Variants in PP2D1 observed in about 807,000 individuals in gnomAD.
PP2D1 encodes the protein protein phosphatase 2C like domain containing 1, also known as protein phosphatase 2C-like domain-containing protein 1.
In PP2D1, 25 loss-of-function variants were observed where a neutral mutation model predicts 30.2. The observed-to-expected ratio is 0.83, with a 90% CI of 0.60 to 1.16. PP2D1 has a LOEUF of 1.16. Ranked by LOEUF, PP2D1 falls within the 50% of genes most tolerant of loss-of-function variation. The pLI, the probability that PP2D1 is intolerant of heterozygous loss-of-function variation, is 0.00. For synonymous variants in PP2D1, 260 were observed against 258.9 expected (o/e 1.00, Z -0.04); for missense variants, 760 against 742.4 (o/e 1.02, Z -0.28).
chr3:20,009,837 G>A (rs1697364355), intron 1 of PP2D1, among the ~76,000 whole-genome samples: 2 of 152,124 alleles, frequency 1.3e-5, no homozygotes, highest in Admixed American at 6.5e-5. Flanking sequence ...GCGTACAACT[G>A]TATTGGATAC....
chr3:19,996,070 T>C (rs1375593696), intron 2 of PP2D1, among the ~76,000 whole-genome samples: 1 of 151,564 alleles, frequency 6.6e-6, no homozygotes. Flanking sequence ...TCAAAATTAA[T>C]AGAAGCAAAA....
At chr3:19,984,171 G>T, downstream of PP2D1, 1 of 309,812 alleles carries the variant, frequency 3.2e-6, no homozygotes, top group Non-Finnish European at 6.0e-6. Flanking sequence ...GTAGTCACCT[G>T]TGAAAAAAAA....
In PP2D1 at chr3:20,001,438, G is replaced by A; in HGVS notation, c.682C>T (p.Leu228Phe). 6.5e-7 allele frequency: 1 copy of A among 1,536,592 alleles called. No individual in the cohort carries two copies. Among genetic ancestry groups the A allele is most frequent in the Non-Finnish European group, 8.7e-7 (1 of 1,147,002 alleles). ...GGATCAAATTTGGAAAGCTGATGGA[G>A]AAGTAAAACTGGGAGTTCCATTGAT... is the stretch of plus-strand genomic sequence containing the variant. ...LTSMELPVLL[L>F]HQLSKFDPSY... The change falls in exon 2 of 3, where the codon CTC becomes TTC. Residue 228 changes from leucine to phenylalanine, a missense_variant. Transcript: ENST00000389050.
chr3:19,980,247 A>G (rs891335595), intron 3 of PP2D1: 1 of 152,228 alleles, frequency 6.6e-6, no homozygotes, highest in Non-Finnish European at 1.5e-5. Context: ...TTCTCACAAT[A>G]TTTAAACTCT....
At chr3:19,995,857 C>T (rs948601708) in intron 2 of PP2D1, among the ~76,000 whole-genome samples, 2 of 152,088 alleles carry the variant, frequency 1.3e-5, no homozygotes, top group Non-Finnish European at 2.9e-5. Flanking sequence ...AAACAACATG[C>T]TCCTCAACAA....
chr3:19,985,112 G>T, downstream of PP2D1: 1 of 337,586 alleles, frequency 3.0e-6, no homozygotes. Context: ...TTAGGAAAAC[G>T]GTTCACCAGT....
Position 19,986,007 on chromosome 3 carries a change from A to G in PP2D1, c.1266T>C (p.Phe422=). 6.5e-7 allele frequency: 1 copy of G among 1,536,110 alleles called. No homozygotes were observed. Among genetic ancestry groups the G allele is most frequent in the Non-Finnish European group, 8.7e-7 (1 of 1,146,880 alleles). Residue 422 remains phenylalanine, a synonymous_variant, in exon 3 of 3, where the codon TTT becomes TTC. Coordinates refer to ENST00000389050, the MANE Select transcript of PP2D1 (RefSeq NM_001252657.2). ...ATTTTTTCAGCTTGAGATTTCCATG[A>G]AATCCAAGTCCTCGTGTAGTTTTTA... ...GQVKTTRGLG[F]HGNLKLKKSI...
At chr3:19,996,291 G>A (rs571198676) in intron 2 of PP2D1, among the ~76,000 whole-genome samples, 1 of 152,090 alleles carries the variant, frequency 6.6e-6, no homozygotes, top group Non-Finnish European at 1.5e-5. Flanking sequence ...AAGATCATTA[G>A]AGACTATTTG....
chr3:20,000,911 A>G, intron 2 of PP2D1, 119 bp downstream of exon 2: 1 of 469,546 alleles, frequency 2.1e-6, no homozygotes, highest in Non-Finnish European at 3.5e-6. Flanking sequence ...TGATCAATGC[A>G]ATTTCTAGGT....
intron 1 of PP2D1, among the ~76,000 whole-genome samples, chr3:20,004,290 A>T (rs980660981): frequency 6.6e-6 from 1 of 152,366 alleles, no homozygotes; most frequent in Non-Finnish European, 1.5e-5. Flanking sequence ...AGGCTATAGC[A>T]TATAGCCCAG....
chr3:20,009,171 A>G (rs1263709926), intron 1 of PP2D1, among the ~76,000 whole-genome samples: 1 of 152,126 alleles, frequency 6.6e-6, no homozygotes, highest in Non-Finnish European at 1.5e-5. Context: ...TTTAAGAGAA[A>G]ATGAACTTGG....
chr3:19,987,018 CAA>C (rs1196704034), intron 2 of PP2D1, among the ~76,000 whole-genome samples: 4 of 129,544 alleles, frequency 3.1e-5, no homozygotes, highest in African/African-American at 8.8e-5. Flanking sequence ...GCCTGGGCAA[CAA>C]GAGCAAAAAT....
downstream of PP2D1, chr3:19,985,323 G>T: frequency 1.7e-6 from 2 of 1,176,560 alleles, no homozygotes; most frequent in South Asian, 1.6e-5. Flanking sequence ...CTAATAGCTG[G>T]ATCATTGAAG....
chr3:19,994,452 A>G (rs1697153515), intron 2 of PP2D1, among the ~76,000 whole-genome samples: 2 of 152,170 alleles, frequency 1.3e-5, no homozygotes, highest in South Asian at 4.1e-4. Context: ...GCAATATAAC[A>G]ACACCCCATC....
downstream of PP2D1, among the ~76,000 whole-genome samples, chr3:19,981,422 G>A (rs546654106): frequency 2.0e-5 from 3 of 151,960 alleles, no homozygotes; most frequent in Admixed American, 6.6e-5. Flanking sequence ...GAAACAAGCC[G>A]GGCCAACATG....
At chr3:20,002,808 C>A (rs1326016755) in intron 1 of PP2D1, among the ~76,000 whole-genome samples, 3 of 152,034 alleles carry the variant, frequency 2.0e-5, no homozygotes, top group Non-Finnish European at 4.4e-5. Flanking sequence ...GTAATCCCAG[C>A]ACTTTAGGAG....
rs1483210203 is a variant in PP2D1, at chr3:19,995,917, CA to C, written c.1090+5112del. ...AAAGGAAATCAAAAACTTCTTGAAA[CA>C]AATGAAAATCAAAATATAACATACC... is the stretch of plus-strand genomic sequence containing the variant. On this transcript the variant is annotated intron_variant, in intron 2 of 2. Coordinates refer to ENST00000389050, the MANE Select transcript of PP2D1 (RefSeq NM_001252657.2). 6.6e-5 allele frequency among the ~76,000 whole-genome samples: 10 copies of C among 152,090 alleles called. No homozygotes were observed. The South Asian group carries it at 2.1e-3, about 32-fold the overall frequency.
chr3:20,001,849 G>A lies in PP2D1; in HGVS notation c.271C>T (p.Leu91=). 1 of 1,535,644 alleles carries A rather than the reference G, an allele frequency of 6.5e-7. No homozygotes were observed. The change falls in exon 2 of 3, where the codon CTG becomes TTG. Residue 91 remains leucine (L), a synonymous_variant. Coordinates refer to ENST00000389050, the MANE Select transcript of PP2D1 (RefSeq NM_001252657.2). Reference sequence around the variant, plus strand: ...TTTCTACCCATCCATTGGAAACCCAGCGTGGCCAGAGCTACATGTTGCTTC... The same window carrying A: ...TTTCTACCCATCCATTGGAAACCCAACGTGGCCAGAGCTACATGTTGCTTC... ...HKKQHVALAT[L]GFQWMGRKKP...
downstream of PP2D1, among the ~76,000 whole-genome samples, chr3:19,981,006 T>G (rs1212391185): frequency 6.6e-6 from 1 of 152,170 alleles, no homozygotes; most frequent in African/African-American, 2.4e-5. Context: ...AATTTCTGAG[T>G]AACCTGAGTC....
Sources: gnomAD v4.1 joint callset for allele counts (sites outside exome capture counted in the v4.1 genomes callset) on GRCh38, gnomAD v4.1.1 for gene constraint, MANE v1.5 for transcripts, NCBI Gene and HGNC (gene_info 2026-07-23, HGNC 2026-07-21) for gene names.